The following STRADB variants were observed in gnomAD, a reference collection of about 807,000 sequenced individuals.
The protein encoded by STRADB is STE20 related adaptor beta, also known as STE20-related kinase adapter protein beta.
Under a neutral mutation model 52.1 loss-of-function variants are expected in STRADB, and 34 were observed. The observed-to-expected ratio is 0.65, with a 90% CI of 0.50 to 0.87. STRADB has a LOEUF of 0.87. STRADB is among the 40% of genes least tolerant of loss of function. The pLI, the probability that STRADB is intolerant of heterozygous loss-of-function variation, is 0.00. For missense variants in STRADB, 340 were observed against 483.9 expected, an observed-to-expected ratio of 0.70 and a Z score of 2.79; for synonymous variants, 133 against 174.5, an observed-to-expected ratio of 0.76 and a Z score of 1.87.
chr2:201,453,728 G>A (rs541997445), intron 1 of STRADB, among the ~76,000 whole-genome samples: 35 of 152,206 alleles, frequency 2.3e-4, no homozygotes, highest in Non-Finnish European at 3.2e-4. Flanking sequence ...GCTAATTAGG[G>A]GCACTTTGAG....
rs374693632 is a variant in STRADB, at chr2:201,458,823, A to G, written c.52A>G (p.Arg18Gly). Reference protein sequence around the residue: ...CTSRTQVESLRPEKQSETSIH... With the variant: ...CTSRTQVESLGPEKQSETSIH... ...TTCAAGAACACAAGTTGAATCACTCAGACCTGAAAAACAGTCTGAAACCAG... is the reference window on the plus strand; with the variant it reads ...TTCAAGAACACAAGTTGAATCACTCGGACCTGAAAAACAGTCTGAAACCAG... The change falls in exon 3 of 12, where the codon AGA becomes GGA. Residue 18 changes from arginine to glycine, a missense_variant. Physicochemically the swap from Arg to Gly is moderately radical, Grantham distance 125. Transcript: ENST00000194530. 2 of 1,613,944 alleles carry G rather than the reference A, an allele frequency of 1.2e-6. No individual in the cohort carries two copies. Among genetic ancestry groups the G allele is most frequent in the African/African-American group, 2.7e-5 (2 of 74,914 alleles).
At chr2:201,477,136 C>T (rs1361747775) in intron 7 of STRADB, among the ~76,000 whole-genome samples, 1 of 112,950 alleles carries the variant, frequency 8.9e-6, no homozygotes, top group East Asian at 3.2e-4. Flanking sequence ...GCAATCTTGG[C>T]TCACTGCAAG....
At chr2:201,453,044 C>T (rs1334360395) in intron 1 of STRADB, among the ~76,000 whole-genome samples, 2 of 151,882 alleles carry the variant, frequency 1.3e-5, no homozygotes, top group Non-Finnish European at 2.9e-5. Flanking sequence ...CCCCCACCCC[C>T]ACCCCTTTGC....
chr2:201,480,798 C>T lies in STRADB; in HGVS notation c.*623C>T, dbSNP rs1217946794. On this transcript the variant is annotated 3_prime_UTR_variant, in exon 12 of 12. Coordinates refer to ENST00000194530, the MANE Select transcript of STRADB (RefSeq NM_018571.6). Reference sequence around the variant, plus strand: ...TTTCCTACTTATGTAAATTATAGATCCTAAATTCACGCACCCCGTGGGAGC... The same window carrying T: ...TTTCCTACTTATGTAAATTATAGATTCTAAATTCACGCACCCCGTGGGAGC... 1.0e-6 allele frequency: 1 copy of T among 985,554 alleles called. No homozygotes were observed. Among genetic ancestry groups the T allele is most frequent in the African/African-American group, 1.7e-5 (1 of 57,198 alleles). The allele number at this position is 985,554 out of a possible 1,614,324, so 61.1% of individuals were successfully genotyped here. A position where few individuals can be genotyped will look rare whatever the true frequency, so the allele number is the denominator to read the frequency against.
chr2:201,478,074 T>C lies in STRADB; in HGVS notation c.721-13T>C. On this transcript the variant is annotated splice_polypyrimidine_tract_variant and intron_variant, in intron 8 of 11. Transcript: ENST00000194530. ...TTTGCACTAAAAGACTTCAAATTAA[T>C]TGTGTCCTACAGGATTTACATGGGT... The C allele has an allele frequency of 6.3e-7, 1 of 1,587,462 alleles. No homozygotes were observed. The highest frequency in any genetic ancestry group is 1.2e-5 in the South Asian group (1 of 86,360).
At chr2:201,463,432 A>G (rs1952248832) in intron 3 of STRADB, among the ~76,000 whole-genome samples, 1 of 150,944 alleles carries the variant, frequency 6.6e-6, no homozygotes, top group Non-Finnish European at 1.5e-5. Context: ...TGCAAGATGT[A>G]TTGGAGCCCC....
At chr2:201,478,930 C>CA (rs1284670588) in intron 10 of STRADB, among the ~76,000 whole-genome samples, 1 of 151,774 alleles carries the variant, frequency 6.6e-6, no homozygotes, top group African/African-American at 2.4e-5. Context: ...AAAAATTAGC[C>CA]GGTGTGGTGG....
intron 3 of STRADB, among the ~76,000 whole-genome samples, chr2:201,461,337 T>C (rs1051943126): frequency 1.3e-5 from 2 of 152,048 alleles, no homozygotes; most frequent in African/African-American, 4.8e-5. Flanking sequence ...TACAGGTGTG[T>C]ATTACCACAC....
intron 3 of STRADB, among the ~76,000 whole-genome samples, chr2:201,459,363 A>G (rs1470800087): frequency 3.3e-5 from 5 of 151,842 alleles, no homozygotes; most frequent in African/African-American, 1.2e-4. Flanking sequence ...CTCCAATTGG[A>G]TTTTTCTAAG....
chr2:201,469,135 A>G (rs2125678651), intron 3 of STRADB, among the ~76,000 whole-genome samples: 1 of 152,356 alleles, frequency 6.6e-6, no homozygotes, highest in East Asian at 1.9e-4. Context: ...TTGATTAAAA[A>G]GAGCCAAGAA....
At chr2:201,478,212 T>C in intron 9 of STRADB, 21 bp downstream of exon 9, 1 of 1,603,428 alleles carries the variant, frequency 6.2e-7, no homozygotes, top group Non-Finnish European at 8.5e-7. Flanking sequence ...CTAAAATCCC[T>C]GAGCTACTTG....
chr2:201,475,433 G>T (rs1574293553), intron 6 of STRADB, among the ~76,000 whole-genome samples, 186 bp from the exon 7 acceptor site: 1 of 152,132 alleles, frequency 6.6e-6, no homozygotes, highest in Non-Finnish European at 1.5e-5. Context: ...TCTCTAAAGT[G>T]TCATTACAAA....
chr2:201,475,421 A>G (rs1344483253), intron 6 of STRADB, among the ~76,000 whole-genome samples, 198 bp from the exon 7 acceptor site: 1 of 152,136 alleles, frequency 6.6e-6, no homozygotes, highest in Admixed American at 6.5e-5. Context: ...TCTCTTCCCT[A>G]ATCTCTAAAG....
At chr2:201,459,550 C>T (rs1264364935) in intron 3 of STRADB, among the ~76,000 whole-genome samples, 1 of 152,170 alleles carries the variant, frequency 6.6e-6, no homozygotes, top group African/African-American at 2.4e-5. Flanking sequence ...CTCTGAAATG[C>T]CCTGGGGTCT....
intron 5 of STRADB, among the ~76,000 whole-genome samples, chr2:201,473,984 G>C (rs1292158388): frequency 1.3e-5 from 2 of 148,642 alleles, no homozygotes; most frequent in Non-Finnish European, 3.0e-5. Flanking sequence ...TCCGCCTCCC[G>C]GGTTCACGCC....
chr2:201,471,038 T>A (rs904827884), intron 4 of STRADB, among the ~76,000 whole-genome samples: 4 of 152,152 alleles, frequency 2.6e-5, no homozygotes, highest in African/African-American at 9.7e-5. Context: ...CGACTGCTGC[T>A]GCTTTGTCCT....
chr2:201,478,901 C>A (rs1414220923), intron 10 of STRADB, among the ~76,000 whole-genome samples: 2 of 151,912 alleles, frequency 1.3e-5, no homozygotes, highest in African/African-American at 2.4e-5. Flanking sequence ...TGGTGAAACC[C>A]CGTCTCTACT....
intron 3 of STRADB, among the ~76,000 whole-genome samples, chr2:201,464,852 A>C (rs1001005233): frequency 2.0e-5 from 3 of 152,200 alleles, no homozygotes; most frequent in African/African-American, 7.2e-5. Flanking sequence ...AGGCAGAAGG[A>C]GTCTCTCCTC....
At chr2:201,475,827 A>T in intron 7 of STRADB, 85 bp downstream of exon 7, 1 of 1,421,744 alleles carries the variant, frequency 7.0e-7, no homozygotes, top group Non-Finnish European at 9.5e-7. Flanking sequence ...GCAGTTGAAT[A>T]TTAGAAAAAA....
Sources: gnomAD v4.1 joint callset for allele counts (sites outside exome capture counted in the v4.1 genomes callset) on GRCh38, gnomAD v4.1.1 for gene constraint, MANE v1.5 for transcripts, NCBI Gene and HGNC (gene_info 2026-07-23, HGNC 2026-07-21) for gene names.